NOX4: variants seen among roughly 807,000 people sequenced by gnomAD.
NOX4 encodes the protein kidney oxidase-1.
A neutral mutation model predicts 87.6 loss-of-function variants in NOX4; 69 were observed. That is an observed-to-expected ratio of 0.79 (90% CI 0.65 to 0.96). NOX4 has a LOEUF of 0.96. Among genes scored for constraint, NOX4 ranks in the 40% least tolerant of loss-of-function variants. NOX4 has a pLI of 0.00. For missense variants in NOX4, 680 were observed against 681.5 expected, an observed-to-expected ratio of 1.00 and a Z score of 0.02; for synonymous variants, 275 against 238.2, an observed-to-expected ratio of 1.15 and a Z score of -1.42.
chr11:89,468,253 C>A (rs1031526662), intron 2 of NOX4, among the ~76,000 whole-genome samples: 5 of 152,208 alleles, frequency 3.3e-5, no homozygotes, highest in African/African-American at 9.7e-5. Context: ...AGCTACTCTG[C>A]ATAATAATTT....
the NOX4 span, among the ~76,000 whole-genome samples, chr11:89,581,798 C>T: frequency 6.6e-6 from 1 of 152,044 alleles, no homozygotes; most frequent in Non-Finnish European, 1.5e-5. Flanking sequence ...AAAATCATGA[C>T]CACAATCTAT....
intron 6 of NOX4, among the ~76,000 whole-genome samples, chr11:89,438,957 A>ATT (rs1944330852): frequency 1.1e-5 from 1 of 88,736 alleles, no homozygotes; most frequent in Admixed American, 2.1e-4. Flanking sequence ...TTTTATATAT[A>ATT]ATAATATATA....
intron 11 of NOX4, among the ~76,000 whole-genome samples, chr11:89,380,437 A>T (rs1301453063): frequency 6.6e-6 from 1 of 152,094 alleles, no homozygotes; most frequent in Non-Finnish European, 1.5e-5. Context: ...CAATCAAAAG[A>T]TGGTTGATTT....
At chr11:89,469,745 A>C (rs1945849667) in intron 2 of NOX4, among the ~76,000 whole-genome samples, 1 of 152,172 alleles carries the variant, frequency 6.6e-6, no homozygotes, top group Admixed American at 6.5e-5. Flanking sequence ...GTATTTTTAC[A>C]CTTTCTTACT....
At chr11:89,558,715 A>C in the NOX4 span, among the ~76,000 whole-genome samples, 50 of 152,218 alleles carry the variant, frequency 3.3e-4, no homozygotes, top group Middle Eastern at 6.8e-3. Context: ...GTTGGCACAA[A>C]TGGTAAGTCG....
At chr11:89,368,168 T>C (rs569421319) in intron 12 of NOX4, among the ~76,000 whole-genome samples, 1 of 152,082 alleles carries the variant, frequency 6.6e-6, no homozygotes, top group East Asian at 1.9e-4. Context: ...CATATATCTT[T>C]AACTTATATC....
chr11:89,561,818 G>A, the NOX4 span, among the ~76,000 whole-genome samples: 3 of 152,108 alleles, frequency 2.0e-5, no homozygotes, highest in Non-Finnish European at 4.4e-5. Context: ...AATAAATACT[G>A]TGGAAAAAAG....
the NOX4 span, among the ~76,000 whole-genome samples, chr11:89,541,315 C>T: frequency 6.6e-6 from 1 of 152,070 alleles, no homozygotes; most frequent in Non-Finnish European, 1.5e-5. Flanking sequence ...TCGAAATTTC[C>T]ACCACTCCCT....
rs146132711 is a variant in NOX4 at position 89,384,425 on chromosome 11, C to G, written c.1075-10933G>C. 2.6e-3 allele frequency among the ~76,000 whole-genome samples: 401 copies of G among 152,248 alleles called. 1 individual carries two copies. Among genetic ancestry groups the G allele is most frequent in the African/African-American group, 9.2e-3 (382 of 41,546 alleles). On this transcript the variant is annotated intron_variant, in intron 11 of 17. Transcript: ENST00000263317. ...CTTCCTCATCCATTACCTATCTCAG[C>G]ATAATTCTTCATGAAAACACACATG...
intron 9 of NOX4, among the ~76,000 whole-genome samples, chr11:89,400,918 A>G (rs1941811980): frequency 6.6e-6 from 1 of 151,592 alleles, no homozygotes; most frequent in Non-Finnish European, 1.5e-5. Flanking sequence ...CATGTTGTTT[A>G]CCACTTACTT....
intron 11 of NOX4, among the ~76,000 whole-genome samples, chr11:89,390,296 C>G (rs1941036369): frequency 6.6e-6 from 1 of 152,156 alleles, no homozygotes; most frequent in Non-Finnish European, 1.5e-5. Context: ...AAAACAAAAA[C>G]TCCCTTGGGG....
chr11:89,365,551 A>G (rs1938898374), intron 12 of NOX4, among the ~76,000 whole-genome samples: 1 of 151,932 alleles, frequency 6.6e-6, no homozygotes, highest in Non-Finnish European at 1.5e-5. Context: ...TCCACCTTTT[A>G]AGAAAAATGT....
At chr11:89,446,325 A>G (rs1944703894) in intron 4 of NOX4, among the ~76,000 whole-genome samples, 1 of 152,098 alleles carries the variant, frequency 6.6e-6, no homozygotes, top group Non-Finnish European at 1.5e-5. Flanking sequence ...AAAACTACAC[A>G]TACTCTTACC....
upstream of NOX4, chr11:89,492,071 G>C (rs1423822302): frequency 4.0e-5 from 1 of 24,742 alleles, no homozygotes; most frequent in Non-Finnish European, 1.2e-4. Flanking sequence ...GTAATTCTTA[G>C]GGGCTCTAGG....
chr11:89,513,235 G>A, the NOX4 span, among the ~76,000 whole-genome samples: 5 of 151,858 alleles, frequency 3.3e-5, no homozygotes, highest in African/African-American at 1.2e-4. Context: ...CAGGAGAACT[G>A]CTTGAACCTG....
chr11:89,556,544 G>A, the NOX4 span, among the ~76,000 whole-genome samples: 6 of 151,560 alleles, frequency 4.0e-5, no homozygotes, highest in Admixed American at 6.6e-5. Context: ...GGGAAGGGAG[G>A]GGAGGGGAGG....
intron 11 of NOX4, among the ~76,000 whole-genome samples, chr11:89,381,919 A>G (rs1431711500): frequency 6.6e-6 from 1 of 151,942 alleles, no homozygotes; most frequent in Non-Finnish European, 1.5e-5. Flanking sequence ...TCTTCTCTTA[A>G]TTTCTGTTCC....
At chr11:89,448,376 A>T (rs948828767) in intron 4 of NOX4, among the ~76,000 whole-genome samples, 9 of 152,190 alleles carry the variant, frequency 5.9e-5, no homozygotes, top group Admixed American at 1.3e-4. Context: ...TTTGAAAAGT[A>T]TCATCTAAAA....
intron 8 of NOX4, among the ~76,000 whole-genome samples, chr11:89,414,216 G>A (rs1480700920): frequency 6.6e-6 from 1 of 151,952 alleles, no homozygotes; most frequent in Non-Finnish European, 1.5e-5. Context: ...AAAATGTGTG[G>A]GATAGCAAAA....
Sources: gnomAD v4.1 joint callset for allele counts (sites outside exome capture counted in the v4.1 genomes callset) on GRCh38, gnomAD v4.1.1 for gene constraint, MANE v1.5 for transcripts, NCBI Gene and HGNC (gene_info 2026-07-23, HGNC 2026-07-21) for gene names.